PARD3B: variants seen among roughly 807,000 people sequenced by gnomAD.
PARD3B encodes partitioning defective 3 homolog B.
PARD3B carries 103 observed loss-of-function variants against 130.2 expected under a neutral mutation model. The observed-to-expected ratio is 0.79, with a 90% CI of 0.67 to 0.93. PARD3B has a LOEUF of 0.93. PARD3B is among the 40% of genes least tolerant of loss of function. The pLI is 0.00. For synonymous variants in PARD3B, 583 were observed against 553.2 expected, an observed-to-expected ratio of 1.05 and a Z score of -0.76; for missense variants, 1,609 against 1,499.2, an observed-to-expected ratio of 1.07 and a Z score of -1.21.
rs1354410974 is a variant in PARD3B at position 205,575,600 on chromosome 2, G to A, written c.3260+22197G>A. On this transcript the variant is annotated intron_variant, in intron 22 of 22. Coordinates refer to ENST00000406610, the MANE Select transcript of PARD3B (RefSeq NM_001302769.2). This position sits in a 1 kb window ranked among gnomAD's most constrained non-coding sequence, Gnocchi z 4.6. The stretch of plus-strand genomic sequence containing the variant: ...GCTGTCTTCATAGTTCTAACTTTTA[G>A]TATGTCATATGCTTGGAATCACACA... Among the ~76,000 whole-genome samples the A allele has an allele frequency of 6.6e-6, 1 of 152,028 alleles. No homozygotes were observed. Among genetic ancestry groups the A allele is most frequent in the Non-Finnish European group, 1.5e-5 (1 of 68,010 alleles).
rs562018679 is a variant in PARD3B at position 205,572,329 on chromosome 2, A to G, written c.3260+18926A>G. Among the ~76,000 whole-genome samples the G allele has an allele frequency of 6.6e-6, 1 of 152,366 alleles. No homozygotes were observed. The highest frequency in any genetic ancestry group is 1.9e-4 in the East Asian group (1 of 5,182). ...GGCAAGATGTGTAGCACTTTATACA[A>G]CACGCTAGGGACTTTGACTCTACCC... On this transcript the variant is annotated intron_variant, in intron 22 of 22. Coordinates refer to ENST00000406610, the MANE Select transcript of PARD3B (RefSeq NM_001302769.2). The surrounding 1 kb of genome is among the most constrained non-coding windows in gnomAD (Gnocchi z 4.2).
intron 20 of PARD3B, among the ~76,000 whole-genome samples, chr2:205,493,452 T>C (rs924807338): frequency 1.3e-5 from 2 of 152,130 alleles, no homozygotes; most frequent in Non-Finnish European, 2.9e-5. Context: ...TTCCACCCTT[T>C]TGTGAGTATA....
At chr2:204,645,663 C>G (rs921741057) in intron 1 of PARD3B, among the ~76,000 whole-genome samples, 1 of 152,032 alleles carries the variant, frequency 6.6e-6, no homozygotes, top group Admixed American at 6.6e-5. Context: ...TGTATTAGTA[C>G]TTTCTACCTA....
Position 205,398,907 on chromosome 2 carries a change from G to A in PARD3B, c.2631-2106G>A, listed in dbSNP as rs572587095. Among the ~76,000 whole-genome samples the A allele has an allele frequency of 4.6e-5, 7 of 152,266 alleles. No individual in the cohort carries two copies. In the South Asian group the frequency reaches 1.2e-3, roughly 27 times the overall value. On this transcript the variant is annotated intron_variant, in intron 18 of 22. Transcript: ENST00000406610. ...TCAGGTCCTCATGTGAGGAGACTCT[G>A]ATTCTCTGTGTGTGTGCTGGGGCAG...
At chr2:204,554,263 C>T (rs531440044) in intron 1 of PARD3B, among the ~76,000 whole-genome samples, 1 of 152,150 alleles carries the variant, frequency 6.6e-6, no homozygotes, top group South Asian at 2.1e-4. Flanking sequence ...TGGGGTAGTT[C>T]CAGCCCAGGT....
rs1703810745 is a variant in PARD3B, at chr2:205,113,593, C to G, written c.680+16C>G. 1 of 1,595,250 alleles carries G rather than the reference C, an allele frequency of 6.3e-7. No individual in the cohort carries two copies. Among genetic ancestry groups the G allele is most frequent in the South Asian group, 1.1e-5 (1 of 89,754 alleles). On this transcript the variant is annotated intron_variant, in intron 6 of 22. Transcript: ENST00000406610. ...TGAGTGGAAGGTAAGATGTTTTTCT[C>G]ATTCCAGAAGCTCATGCTAATGAAA...
intron 18 of PARD3B, among the ~76,000 whole-genome samples, chr2:205,343,018 T>C (rs1472280525): frequency 6.6e-6 from 1 of 152,238 alleles, no homozygotes; most frequent in Non-Finnish European, 1.5e-5. Flanking sequence ...ATCTGGCTTT[T>C]CATTAGGAAG....
rs144919698 is a variant in PARD3B, at chr2:205,066,622, T to A, written c.504+18932T>A. Among the ~76,000 whole-genome samples, 15 of 152,266 alleles carry A rather than the reference T, an allele frequency of 9.9e-5. 1 individual carries two copies. The East Asian group carries it at 2.9e-3, about 29-fold the overall frequency. ...CTGTAAAATGAGAAAGGTGGTATAG[T>A]TAAAATGGGAGCTCTTGTGTAGAAA... On this transcript the variant is annotated intron_variant, in intron 4 of 22. Transcript: ENST00000406610.
intron 2 of PARD3B, among the ~76,000 whole-genome samples, chr2:204,897,017 T>C (rs2125698725): frequency 6.6e-6 from 1 of 152,062 alleles, no homozygotes; most frequent in South Asian, 2.1e-4. Context: ...GGAAATTAAT[T>C]GTGTGCTATT....
At chr2:204,661,289 A>G (rs2035799036) in intron 1 of PARD3B, among the ~76,000 whole-genome samples, 1 of 152,196 alleles carries the variant, frequency 6.6e-6, no homozygotes, top group Admixed American at 6.5e-5. Context: ...GTGTGAATCC[A>G]CAAGGCTGGT....
chr2:205,002,887 C>T (rs955925705), intron 3 of PARD3B, among the ~76,000 whole-genome samples: 20 of 152,134 alleles, frequency 1.3e-4, no homozygotes, highest in African/African-American at 4.6e-4. Flanking sequence ...GGAGTCTCGC[C>T]GGGGTAATGC....
intron 2 of PARD3B, among the ~76,000 whole-genome samples, chr2:204,720,648 A>G (rs2038953582): frequency 6.6e-6 from 1 of 152,164 alleles, no homozygotes; most frequent in African/African-American, 2.4e-5. Flanking sequence ...TGAAAAAAAC[A>G]TTGTCTACTT....
intron 18 of PARD3B, chr2:205,348,013 A>G (rs2043857130): frequency 6.6e-6 from 1 of 152,226 alleles, no homozygotes; most frequent in East Asian, 1.9e-4. Flanking sequence ...GGCCAGCTCA[A>G]CAGGAGCTCC....
intron 2 of PARD3B, among the ~76,000 whole-genome samples, chr2:204,880,388 G>A (rs2045995273): frequency 1.3e-5 from 2 of 152,038 alleles, no homozygotes; most frequent in African/African-American, 2.4e-5. Context: ...GTGGTCGAGC[G>A]CGGTGGCTCA....
At chr2:205,136,425 A>G (rs1159892368) in intron 10 of PARD3B, among the ~76,000 whole-genome samples, 2 of 152,356 alleles carry the variant, frequency 1.3e-5, no homozygotes, top group East Asian at 3.9e-4. Flanking sequence ...CAGTGATGGC[A>G]GTAGAATAGA....
At chr2:205,427,761 C>T (rs13428308) in intron 19 of PARD3B, among the ~76,000 whole-genome samples, 15,736 of 151,886 alleles carry the variant, frequency 0.1, 1,245 homozygotes, top group African/African-American at 0.22. Context: ...TGAAAACAAA[C>T]GAAAATAAAT....
chr2:205,049,086 A>G (rs549200207), intron 4 of PARD3B, among the ~76,000 whole-genome samples: 2 of 152,282 alleles, frequency 1.3e-5, no homozygotes, highest in South Asian at 4.1e-4. Context: ...CATTTTCATG[A>G]TGTCTGTGTG....
At chr2:205,442,718 AG>A (rs2047763829) in intron 20 of PARD3B, among the ~76,000 whole-genome samples, 1 of 152,188 alleles carries the variant, frequency 6.6e-6, no homozygotes, top group South Asian at 2.1e-4. Flanking sequence ...TGTCACCTAA[AG>A]CATATGTTTC....
intron 2 of PARD3B, among the ~76,000 whole-genome samples, chr2:204,937,162 GAGAA>G (rs1190193269): frequency 6.6e-6 from 1 of 152,226 alleles, no homozygotes; most frequent in African/African-American, 2.4e-5. Context: ...CCAGGGTAGA[GAGAA>G]AGACTGAGAC....
Sources: gnomAD v4.1 joint callset for allele counts (sites outside exome capture counted in the v4.1 genomes callset) on GRCh38, gnomAD v4.1.1 for gene constraint, Gnocchi (gnomAD v3.1) non-coding constraint, MANE v1.5 for transcripts, NCBI Gene and HGNC (gene_info 2026-07-23, HGNC 2026-07-21) for gene names.